ALK: variants seen among roughly 807,000 people sequenced by gnomAD.
The protein encoded by ALK is ALK tyrosine kinase receptor.
Under a neutral mutation model 163.1 loss-of-function variants are expected in ALK, and 74 were observed. The ratio of observed to expected loss-of-function variants is 0.45; its 90% CI spans 0.38 to 0.55. The LOEUF (loss-of-function observed/expected upper bound fraction) is 0.55. ALK is among the 20% of genes least tolerant of loss of function. The pLI, the probability that ALK is intolerant of heterozygous loss-of-function variation, is 0.00. For missense variants in ALK, 2,063 were observed against 2,105.3 expected (o/e 0.98, Z 0.39); for synonymous variants, 960 against 843.2 (o/e 1.14, Z -2.40).
At chr2:29,728,611 G>T (rs1439510420) in intron 1 of ALK, among the ~76,000 whole-genome samples, 1 of 152,234 alleles carries the variant, frequency 6.6e-6, no homozygotes, top group Non-Finnish European at 1.5e-5. Context: ...GGCAGGGGAA[G>T]ATTACCTGAG....
At chr2:29,632,984 A>G (rs893234696) in intron 3 of ALK, among the ~76,000 whole-genome samples, 2 of 152,168 alleles carry the variant, frequency 1.3e-5, no homozygotes, top group Admixed American at 1.3e-4. Flanking sequence ...TGGGAGTACA[A>G]TTCAAGATGA....
chr2:29,850,744 C>T (rs1665969598), intron 1 of ALK, among the ~76,000 whole-genome samples: 1 of 152,204 alleles, frequency 6.6e-6, no homozygotes, highest in African/African-American at 2.4e-5. Flanking sequence ...TTTTGTAGTA[C>T]TTCCCAAGGG....
At chr2:29,492,381 AC>A (rs1671922919) in intron 4 of ALK, among the ~76,000 whole-genome samples, 2 of 152,192 alleles carry the variant, frequency 1.3e-5, no homozygotes, top group South Asian at 4.2e-4. Context: ...ATAGTGCCTG[AC>A]CTTATAAGAA....
At chr2:29,605,081 C>T (rs1675503210) in intron 3 of ALK, among the ~76,000 whole-genome samples, 1 of 152,174 alleles carries the variant, frequency 6.6e-6, no homozygotes, top group Non-Finnish European at 1.5e-5. Flanking sequence ...ACTTCAGTTT[C>T]AAAAGTCAGT....
intron 14 of ALK, among the ~76,000 whole-genome samples, chr2:29,232,677 A>G (rs1183380164): frequency 6.6e-6 from 1 of 152,188 alleles, no homozygotes; most frequent in Non-Finnish European, 1.5e-5. Context: ...AGACCTATAT[A>G]CCAAGAGCAA....
chr2:29,878,696 C>T (rs1232774122), intron 1 of ALK, among the ~76,000 whole-genome samples: 1 of 152,180 alleles, frequency 6.6e-6, no homozygotes, highest in African/African-American at 2.4e-5. Flanking sequence ...ACTGTCATCT[C>T]ATGAGATTAT....
intron 3 of ALK, among the ~76,000 whole-genome samples, chr2:29,596,388 G>T (rs1307575146): frequency 6.6e-6 from 1 of 152,104 alleles, no homozygotes; most frequent in Non-Finnish European, 1.5e-5. Context: ...TAAATGTGTT[G>T]CTGCCACCTT....
At chr2:29,916,534 C>T (rs1667839346) in intron 1 of ALK, among the ~76,000 whole-genome samples, 1 of 152,226 alleles carries the variant, frequency 6.6e-6, no homozygotes. Context: ...CCTCTCCATC[C>T]TCCTTTGCTC....
intron 1 of ALK, among the ~76,000 whole-genome samples, chr2:29,790,222 C>A (rs1664154590): frequency 6.6e-6 from 1 of 152,108 alleles, no homozygotes; most frequent in Non-Finnish European, 1.5e-5. Flanking sequence ...CACAACCCTG[C>A]ATCTGCCGTA....
At chr2:29,774,936 A>G (rs182658481) in intron 1 of ALK, among the ~76,000 whole-genome samples, 48 of 152,354 alleles carry the variant, frequency 3.2e-4, no homozygotes, top group Admixed American at 6.5e-4. Context: ...GGGTTAATGT[A>G]AATTTATATA....
chr2:29,614,019 TCCA>T (rs1558408559), intron 3 of ALK, among the ~76,000 whole-genome samples: 18 of 151,982 alleles, frequency 1.2e-4, no homozygotes, highest in Non-Finnish European at 1.8e-4. Context: ...ACTGATCCTG[TCCA>T]GACAGCCTTG....
At chr2:29,623,898 T>C (rs762249929) in intron 3 of ALK, among the ~76,000 whole-genome samples, 1 of 152,260 alleles carries the variant, frequency 6.6e-6, no homozygotes, top group Non-Finnish European at 1.5e-5. Flanking sequence ...TTGTAAAGCA[T>C]GTTTACAACA....
At chr2:29,260,878 A>C (rs1434218755) in intron 11 of ALK, among the ~76,000 whole-genome samples, 3 of 151,784 alleles carry the variant, frequency 2.0e-5, no homozygotes, top group Admixed American at 2.0e-4. Flanking sequence ...AAAAAAACGC[A>C]GTTTGCTTTC....
intron 4 of ALK, among the ~76,000 whole-genome samples, chr2:29,466,981 C>T (rs1198168821): frequency 6.6e-6 from 1 of 152,136 alleles, no homozygotes; most frequent in Non-Finnish European, 1.5e-5. Context: ...AGTATTTCTT[C>T]TTTTTTGGGA....
In ALK at chr2:29,465,393, A is replaced by G. The variant is rs559268137; in HGVS notation, c.1154+66522T>C. Among the ~76,000 whole-genome samples, 4 of 152,286 alleles carry G rather than the reference A, an allele frequency of 2.6e-5. No homozygotes were observed. The South Asian group carries it at 8.3e-4, about 32-fold the overall frequency. On this transcript the variant is annotated intron_variant, in intron 4 of 28. Coordinates refer to ENST00000389048, the MANE Select transcript of ALK (RefSeq NM_004304.5). The stretch of plus-strand genomic sequence containing the variant: ...ACAAAATTCTATAGGGACTTTCACT[A>G]TAAGGAACGTTAAAAGTAGGCCAGG...
At chr2:29,682,164 A>C (rs1392884168) in intron 3 of ALK, among the ~76,000 whole-genome samples, 1 of 152,144 alleles carries the variant, frequency 6.6e-6, no homozygotes, top group Non-Finnish European at 1.5e-5. Context: ...TTTGATGGCA[A>C]AGAGATTGAG....
intron 1 of ALK, among the ~76,000 whole-genome samples, chr2:29,821,520 A>G (rs906557290): frequency 1.3e-5 from 2 of 152,112 alleles, no homozygotes; most frequent in East Asian, 3.9e-4. Flanking sequence ...GCAATCCCTG[A>G]AATTCAGTCC....
intron 5 of ALK, among the ~76,000 whole-genome samples, chr2:29,349,612 G>A (rs540047351): frequency 7.9e-5 from 12 of 152,260 alleles, no homozygotes; most frequent in Admixed American, 3.3e-4. Flanking sequence ...CAAAAATCAG[G>A]GCAGCTTGCT....
At chr2:29,834,185 T>C (rs1466623366) in intron 1 of ALK, among the ~76,000 whole-genome samples, 2 of 152,216 alleles carry the variant, frequency 1.3e-5, no homozygotes, top group African/African-American at 4.8e-5. Flanking sequence ...TCAAAACCAC[T>C]AACTTCTCAG....
Sources: allele counts gnomAD v4.1 joint callset (sites outside exome capture counted in the v4.1 genomes callset), GRCh38; gene constraint gnomAD v4.1.1; transcripts MANE v1.5; gene names NCBI Gene and HGNC (gene_info 2026-07-23, HGNC 2026-07-21).